DOP1A: variants seen among roughly 807,000 people sequenced by gnomAD.
DOP1A encodes the protein protein DOP1A.
In DOP1A, 90 loss-of-function variants were observed where a neutral mutation model predicts 267.6. The ratio of observed to expected loss-of-function variants is 0.34; its 90% CI spans 0.28 to 0.40. The LOEUF is 0.40. Ranked by LOEUF, DOP1A falls within the 10% of genes least tolerant of loss-of-function variation. The pLI is 1.00. For missense variants in DOP1A, 2,437 were observed against 2,900.4 expected, an observed-to-expected ratio of 0.84 and a Z score of 3.67; for synonymous variants, 932 against 999.1, an observed-to-expected ratio of 0.93 and a Z score of 1.27.
chr6:83,106,401 A>C (rs1413487059), intron 4 of DOP1A, among the ~76,000 whole-genome samples: 1 of 152,234 alleles, frequency 6.6e-6, no homozygotes, highest in Non-Finnish European at 1.5e-5. Context: ...ACCTAGGTAC[A>C]TTGTAAATAA....
intron 27 of DOP1A, among the ~76,000 whole-genome samples, chr6:83,149,386 T>G (rs530477211): frequency 2.6e-5 from 4 of 152,186 alleles, no homozygotes; most frequent in Non-Finnish European, 5.9e-5. Context: ...TGATTCCTAA[T>G]AGGTCCCCAG....
intron 1 of DOP1A, among the ~76,000 whole-genome samples, chr6:83,087,346 G>C (rs1336639639): frequency 6.6e-6 from 1 of 152,106 alleles, no homozygotes; most frequent in African/African-American, 2.4e-5. Flanking sequence ...TGAAGTTTGT[G>C]CTTCTCAATT....
At chr6:83,083,638 CAG>C in intron 1 of DOP1A, among the ~76,000 whole-genome samples, 1 of 152,244 alleles carries the variant, frequency 6.6e-6, no homozygotes, top group East Asian at 1.9e-4. Context: ...GTGCCTGGCA[CAG>C]AGTAATTTGT....
rs3215642 is a variant in DOP1A at position 83,156,872 on chromosome 6, TATGGTCC to T, written c.6605-305_6605-299del. On this transcript the variant is annotated intron_variant, in intron 34 of 38. Coordinates refer to ENST00000349129, the MANE Select transcript of DOP1A (RefSeq NM_015018.4). ...TTGACTAGATCAGTGCTACTCAAAG[TATGGTCC>T]ATGGACCAGTAACCAGTCTGTTATC... 1.8e-3 allele frequency among the ~76,000 whole-genome samples: 276 copies of T among 152,312 alleles called. 5 individuals carry two copies. The East Asian group carries it at 0.045, about 25-fold the overall frequency.
rs1309334809 is a variant in DOP1A, at chr6:83,130,103, G to A, written c.2342-20G>A. 11 of 1,608,568 alleles carry A rather than the reference G, an allele frequency of 6.8e-6. No individual in the cohort carries two copies. The highest frequency in any genetic ancestry group is 4.0e-5 in the African/African-American group (3 of 74,916). ...ATGTTTAGTATAATGAACTCTGATT[G>A]CTACCATCTTTTGTTTCAGACTGTG... On this transcript the variant is annotated intron_variant, in intron 16 of 38. Transcript: ENST00000349129.
intron 1 of DOP1A, among the ~76,000 whole-genome samples, chr6:83,086,951 C>T (rs139780249): frequency 5.9e-5 from 9 of 152,026 alleles, no homozygotes; most frequent in Admixed American, 2.6e-4. Flanking sequence ...ATGAGAGATT[C>T]GGGGGGTAGA....
chr6:83,154,309 C>T, intron 33 of DOP1A, 68 bp downstream of exon 33: 1 of 1,433,920 alleles, frequency 7.0e-7, no homozygotes, highest in Non-Finnish European at 9.8e-7. Context: ...TTTACTTGTA[C>T]TCTTTTCTGG....
chr6:83,141,691 A>G (rs1212805950), intron 23 of DOP1A, among the ~76,000 whole-genome samples: 3 of 152,144 alleles, frequency 2.0e-5, no homozygotes, highest in African/African-American at 7.2e-5. Flanking sequence ...TTCACAGTGA[A>G]TAGACTTTTA....
intron 23 of DOP1A, among the ~76,000 whole-genome samples, chr6:83,141,674 G>T (rs1431865509): frequency 6.6e-6 from 1 of 151,990 alleles, no homozygotes; most frequent in Non-Finnish European, 1.5e-5. Flanking sequence ...TGTTTTTCTA[G>T]TATCTTTTCA....
chr6:83,138,610 A>G lies in DOP1A; in HGVS notation c.4568A>G (p.Lys1523Arg). The G allele has an allele frequency of 1.9e-6, 3 of 1,613,870 alleles. No individual in the cohort carries two copies. The East Asian group carries it at 6.7e-5, about 36-fold the overall frequency. ...SFISDMLSKC[K>R]VQKVILHCLL... ...ATTTCTGATATGTTATCTAAGTGCA[A>G]AGTTCAGAAAGTGATTCTTCATTGT... The change falls in exon 21 of 39, where the codon AAA becomes AGA. Residue 1523 changes from lysine to arginine, a missense_variant. Coordinates refer to ENST00000349129, the MANE Select transcript of DOP1A (RefSeq NM_015018.4).
intron 3 of DOP1A, among the ~76,000 whole-genome samples, chr6:83,097,468 C>A (rs1225896778): frequency 6.6e-6 from 1 of 152,140 alleles, no homozygotes; most frequent in Non-Finnish European, 1.5e-5. Flanking sequence ...AAAATGAAAA[C>A]CTACAAATGG....
intron 11 of DOP1A, 97 bp from the exon 12 acceptor site, chr6:83,122,766 C>A: frequency 1.2e-6 from 1 of 844,996 alleles, no homozygotes; most frequent in South Asian, 3.1e-5. Context: ...TTTCTAGCAA[C>A]TACCTAGGAA....
At chr6:83,137,073 C>T in intron 20 of DOP1A, 100 bp from the exon 21 acceptor site, 1 of 1,104,740 alleles carries the variant, frequency 9.1e-7, no homozygotes, top group Non-Finnish European at 1.2e-6. Context: ...TAGATGATGA[C>T]ACTAATGATT....
downstream of DOP1A, chr6:83,171,306 TTTA>T (rs1787048701): frequency 6.6e-6 from 1 of 152,214 alleles, no homozygotes. Context: ...TTTTAATTTT[TTTA>T]TATCTATTTT....
chr6:83,154,448 T>C (rs1271514664), intron 33 of DOP1A, among the ~76,000 whole-genome samples: 1 of 152,192 alleles, frequency 6.6e-6, no homozygotes, highest in Non-Finnish European at 1.5e-5. Flanking sequence ...ACTTAAGTGA[T>C]AAGTAATAAG....
chr6:83,087,642 C>T (rs1243860849), intron 1 of DOP1A, among the ~76,000 whole-genome samples: 2 of 152,212 alleles, frequency 1.3e-5, no homozygotes, highest in African/African-American at 4.8e-5. Context: ...CATATCATTT[C>T]TATCCTTCAG....
chr6:83,094,908 G>A (rs185624921), intron 1 of DOP1A, among the ~76,000 whole-genome samples: 2 of 152,082 alleles, frequency 1.3e-5, no homozygotes, highest in East Asian at 3.9e-4. Flanking sequence ...TTTGTTGCTT[G>A]TGTTTTTGGT....
intron 31 of DOP1A, 59 bp downstream of exon 31, chr6:83,153,679 C>G (rs1415383527): frequency 1.5e-6 from 2 of 1,367,236 alleles, no homozygotes; most frequent in East Asian, 4.8e-5. Context: ...GAAACAAGTT[C>G]TGTTCCCTTA....
chr6:83,124,476 T>C lies in DOP1A; in HGVS notation c.1341-229T>C, dbSNP rs73749707. The stretch of plus-strand genomic sequence containing the variant: ...GAAAGTGAGATCCATTCAGAACACT[T>C]CGAAGTACAGGATGGGAGTTACAGG... On this transcript the variant is annotated intron_variant, in intron 12 of 38. Transcript: ENST00000349129. 4.1e-3 allele frequency among the ~76,000 whole-genome samples: 629 copies of C among 152,232 alleles called. 3 individuals are homozygous for C. Among genetic ancestry groups the C allele is most frequent in the African/African-American group, 0.014 (600 of 41,566 alleles).
Sources: gnomAD v4.1 joint callset for allele counts (sites outside exome capture counted in the v4.1 genomes callset) on GRCh38, gnomAD v4.1.1 for gene constraint, MANE v1.5 for transcripts, NCBI Gene and HGNC (gene_info 2026-07-23, HGNC 2026-07-21) for gene names.